The following CADM2 variants were observed in gnomAD, a reference collection of about 807,000 sequenced individuals.
The protein encoded by CADM2 is immunoglobulin superfamily member 4D.
A neutral mutation model predicts 49.8 loss-of-function variants in CADM2; 12 were observed. The ratio of observed to expected loss-of-function variants is 0.24; its 90% CI spans 0.15 to 0.39. CADM2 has a LOEUF of 0.39. CADM2 is among the 10% of genes least tolerant of loss of function. The pLI is 1.00. For missense variants in CADM2, 378 were observed against 492.3 expected (o/e 0.77, Z 2.20); for synonymous variants, 214 against 175.4 (o/e 1.22, Z -1.74).
chr3:85,160,445 C>T (rs559771302), intron 1 of CADM2, among the ~76,000 whole-genome samples: 6 of 152,216 alleles, frequency 3.9e-5, no homozygotes, highest in South Asian at 2.1e-4. Flanking sequence ...TGCACAGGAA[C>T]GCATGCACAC....
Position 86,068,660 on chromosome 3 carries a change from C to G in CADM2, c.*1877C>G, listed in dbSNP as rs1445783025. On this transcript the variant is annotated 3_prime_UTR_variant, in exon 10 of 10. Coordinates refer to ENST00000383699, the MANE Select transcript of CADM2 (RefSeq NM_001167675.2). Reference sequence around the variant, plus strand: ...TAAAGTTTTTTTTTGATTGTTGAAGCATTTATCTTGTTGATTTCTTACAAA... The same window carrying G: ...TAAAGTTTTTTTTTGATTGTTGAAGGATTTATCTTGTTGATTTCTTACAAA... 2.0e-5 allele frequency: 3 copies of G among 152,206 alleles called. No individual in the cohort carries two copies. The highest frequency in any genetic ancestry group is 7.2e-5 in the African/African-American group (3 of 41,474). 9.4% of individuals were successfully genotyped at this position (152,206 alleles called of 1,614,324 possible).
intron 6 of CADM2, among the ~76,000 whole-genome samples, chr3:85,927,274 C>A (rs1234418611): frequency 2.6e-5 from 4 of 152,016 alleles, no homozygotes; most frequent in African/African-American, 9.7e-5. Context: ...AATTGAGGTC[C>A]AGTAGTTATT....
chr3:86,013,021 G>T, intron 8 of CADM2: 1 of 1,005,890 alleles, frequency 9.9e-7, no homozygotes, highest in Non-Finnish European at 1.6e-6. Context: ...TATCGATTAT[G>T]TGCCAAACAT....
chr3:85,916,816 T>A (rs539118316), intron 6 of CADM2, among the ~76,000 whole-genome samples: 30 of 151,948 alleles, frequency 2.0e-4, no homozygotes, highest in African/African-American at 6.8e-4. Flanking sequence ...TATTTCTCCA[T>A]ATCCTCTCCA....
intron 5 of CADM2, among the ~76,000 whole-genome samples, chr3:85,895,946 G>T (rs963102003): frequency 6.6e-6 from 1 of 152,082 alleles, no homozygotes; most frequent in African/African-American, 2.4e-5. Context: ...AGCCTTGGGG[G>T]TGTCTTTATT....
chr3:85,889,942 C>G (rs1191512794), intron 5 of CADM2, among the ~76,000 whole-genome samples: 1 of 152,066 alleles, frequency 6.6e-6, no homozygotes, highest in Non-Finnish European at 1.5e-5. Context: ...TAAGGCTCAA[C>G]AGTTCATTGA....
chr3:85,317,865 G>T (rs1159969554), intron 1 of CADM2, among the ~76,000 whole-genome samples: 1 of 152,110 alleles, frequency 6.6e-6, no homozygotes, highest in Non-Finnish European at 1.5e-5. Flanking sequence ...TTTGATAACA[G>T]AGCAATATGA....
At chr3:85,983,585 ACAAACATGTT>A (rs1393604843) in intron 8 of CADM2, among the ~76,000 whole-genome samples, 1 of 151,716 alleles carries the variant, frequency 6.6e-6, no homozygotes, top group Non-Finnish European at 1.5e-5. Flanking sequence ...TTTTAGTAAA[ACAAACATGTT>A]TACCAGCAGT....
At chr3:86,027,805 C>CA (rs1734079546) in intron 8 of CADM2, 2 of 151,446 alleles carry the variant, frequency 1.3e-5, no homozygotes, top group Non-Finnish European at 2.9e-5. Context: ...TAGTTAAATC[C>CA]AAAAACAACA....
Position 86,030,791 on chromosome 3 carries a change from G to A in CADM2, c.971-34814G>A, listed in dbSNP as rs9839586. 3.5e-3 allele frequency among the ~76,000 whole-genome samples: 537 copies of A among 151,946 alleles called. 2 individuals carry two copies. The highest frequency in any genetic ancestry group is 0.013 in the African/African-American group (520 of 41,538). On this transcript the variant is annotated intron_variant, in intron 8 of 9. Transcript: ENST00000383699. ...TAAATGAATTGATAAATAAAGAAAG[G>A]CATAGAATGTATACTAACTTATAAT...
chr3:85,053,660 A>G (rs1230568730), intron 1 of CADM2, among the ~76,000 whole-genome samples: 2 of 151,978 alleles, frequency 1.3e-5, no homozygotes, highest in African/African-American at 2.4e-5. Flanking sequence ...AATAGTGAAT[A>G]CCCAGTTCTT....
intron 1 of CADM2, among the ~76,000 whole-genome samples, chr3:85,620,582 G>T (rs2063943569): frequency 6.6e-6 from 1 of 151,890 alleles, no homozygotes; most frequent in Non-Finnish European, 1.5e-5. Context: ...TCTTTATTTT[G>T]CTAGTAATAG....
intron 1 of CADM2, among the ~76,000 whole-genome samples, chr3:85,031,577 C>G (rs1046830346): frequency 1.3e-5 from 2 of 152,110 alleles, no homozygotes; most frequent in Admixed American, 6.5e-5. Flanking sequence ...TGCAGTGGCG[C>G]GATCTCGGCT....
At chr3:85,180,038 A>C (rs2040887249) in intron 1 of CADM2, among the ~76,000 whole-genome samples, 1 of 152,136 alleles carries the variant, frequency 6.6e-6, no homozygotes, top group South Asian at 2.1e-4. Context: ...GTACATAAGA[A>C]ATTATTTATT....
chr3:85,790,753 A>T lies in CADM2; in HGVS notation c.89-11294A>T, dbSNP rs1577318487. Reference sequence around the variant, plus strand: ...ATATCAGGAGGCGAAAGCCCTTCCAACCTTTTCTGGCCTTGCAAGACCCAG... The same window carrying T: ...ATATCAGGAGGCGAAAGCCCTTCCATCCTTTTCTGGCCTTGCAAGACCCAG... On this transcript the variant is annotated intron_variant, in intron 2 of 9. Coordinates refer to ENST00000383699, the MANE Select transcript of CADM2 (RefSeq NM_001167675.2). Among the ~76,000 whole-genome samples, 4 of 152,150 alleles carry T rather than the reference A, an allele frequency of 2.6e-5. No homozygotes were observed. The South Asian group carries it at 8.3e-4, about 32-fold the overall frequency.
At chr3:85,636,735 T>C (rs1474304142) in intron 1 of CADM2, among the ~76,000 whole-genome samples, 4 of 152,206 alleles carry the variant, frequency 2.6e-5, no homozygotes, top group Non-Finnish European at 5.9e-5. Context: ...GTACTGTACC[T>C]TTTCTGTTTT....
intron 3 of CADM2, among the ~76,000 whole-genome samples, chr3:85,817,591 A>G (rs1481705821): frequency 6.6e-6 from 1 of 152,184 alleles, no homozygotes. Context: ...GACCTTCTGC[A>G]AACATTAGTT....
At chr3:85,703,907 C>T (rs1448698613) in intron 1 of CADM2, among the ~76,000 whole-genome samples, 3 of 152,176 alleles carry the variant, frequency 2.0e-5, no homozygotes, top group Non-Finnish European at 4.4e-5. Flanking sequence ...TCAAAATGTA[C>T]TGAAGTGTTT....
At chr3:85,595,983 C>A (rs1044334401) in intron 1 of CADM2, among the ~76,000 whole-genome samples, 5 of 151,656 alleles carry the variant, frequency 3.3e-5, no homozygotes, top group Non-Finnish European at 7.4e-5. Flanking sequence ...ATCACCATAC[C>A]AAATATGTCA....
Sources: allele counts gnomAD v4.1 joint callset (sites outside exome capture counted in the v4.1 genomes callset), GRCh38; gene constraint gnomAD v4.1.1; transcripts MANE v1.5; gene names NCBI Gene and HGNC (gene_info 2026-07-23, HGNC 2026-07-21).